SLCO1B3: variants seen among roughly 807,000 people sequenced by gnomAD.
SLCO1B3 encodes solute carrier organic anion transporter family member 1B3.
Under a neutral mutation model 71.8 loss-of-function variants are expected in SLCO1B3, and 72 were observed. The ratio of observed to expected loss-of-function variants is 1.00; its 90% confidence interval spans 0.83 to 1.22. The LOEUF (loss-of-function observed/expected upper bound fraction) is 1.22. Ranked by LOEUF, SLCO1B3 falls within the 50% of genes most tolerant of loss-of-function variation. The probability of loss-of-function intolerance (pLI) is 0.00; values close to 1 mark genes in which losing one functional copy is unlikely to be tolerated. For synonymous variants in SLCO1B3, 298 were observed against 278.4 expected (o/e 1.07, Z -0.70); for missense variants, 911 against 819.7 (o/e 1.11, Z -1.36).
chr12:20,880,771 T>C (rs1262466077), intron 11 of SLCO1B3, 84 bp from the exon 12 acceptor site: 3 of 844,568 alleles, frequency 3.6e-6, no homozygotes, highest in African/African-American at 3.5e-5. Context: ...ATTTCCCCTC[T>C]CCTTATCCCC....
chr12:20,891,780 T>C (rs2121341233), intron 13 of SLCO1B3, among the ~76,000 whole-genome samples: 1 of 152,244 alleles, frequency 6.6e-6, no homozygotes, highest in South Asian at 2.1e-4. Context: ...GTCTTCTAGC[T>C]CTGAAATTGT....
chr12:20,855,374 T>A (rs1200191684), intron 4 of SLCO1B3, among the ~76,000 whole-genome samples: 2 of 152,166 alleles, frequency 1.3e-5, no homozygotes, highest in Non-Finnish European at 2.9e-5. Context: ...AGGTCAGGTA[T>A]GCTGCTAAAC....
intron 3 of SLCO1B3, among the ~76,000 whole-genome samples, chr12:20,836,301 G>T (rs1864679128): frequency 6.6e-6 from 1 of 152,096 alleles, no homozygotes; most frequent in Non-Finnish European, 1.5e-5. Flanking sequence ...TACATGAATT[G>T]ATTTTCATAC....
chr12:20,891,820 A>G (rs1865909714), intron 13 of SLCO1B3, among the ~76,000 whole-genome samples: 1 of 152,058 alleles, frequency 6.6e-6, no homozygotes, highest in South Asian at 2.1e-4. Flanking sequence ...TTATTGTTAA[A>G]GCTTTCAGAA....
intron 6 of SLCO1B3, 128 bp downstream of exon 6, chr12:20,861,266 C>A: frequency 1.3e-6 from 1 of 786,708 alleles, no homozygotes; most frequent in Non-Finnish European, 1.9e-6. Context: ...CCCTTACATA[C>A]AGACAAAATC....
intron 3 of SLCO1B3, among the ~76,000 whole-genome samples, chr12:20,825,942 A>AG (rs1450009125): frequency 6.6e-5 from 10 of 152,252 alleles, no homozygotes; most frequent in African/African-American, 2.2e-4. Context: ...TAAGCAAATA[A>AG]AAACTTAATA....
At chr12:20,863,522 A>G (rs897864434) in intron 8 of SLCO1B3, among the ~76,000 whole-genome samples, 2 of 152,106 alleles carry the variant, frequency 1.3e-5, no homozygotes, top group Non-Finnish European at 2.9e-5. Flanking sequence ...CACCATATCC[A>G]TATTTATCTT....
At chr12:20,863,719 G>A (rs1156580838) in intron 8 of SLCO1B3, among the ~76,000 whole-genome samples, 2 of 151,920 alleles carry the variant, frequency 1.3e-5, no homozygotes, top group South Asian at 4.1e-4. Context: ...CTTTCCAATT[G>A]ATTAACTGTT....
intron 3 of SLCO1B3, among the ~76,000 whole-genome samples, chr12:20,827,222 A>G (rs1864441215): frequency 6.6e-6 from 1 of 152,188 alleles, no homozygotes; most frequent in African/African-American, 2.4e-5. Context: ...ATAAATATTA[A>G]ACTGCTTGAT....
In SLCO1B3 at chr12:20,879,588, T is replaced by C. The variant is rs1304777961; in HGVS notation, c.1288T>C (p.Cys430Arg). The change falls in exon 11 of 16, where the codon TGC becomes CGC. Residue 430 changes from cysteine to arginine, a missense_variant. By Grantham distance (180) the Cys-to-Arg change is radical. Transcript: ENST00000381545. ...TCAACTTCTATATTTCCCTCTAATC[T>C]GCGAAAGCAAATCAGTTGCCGGCCT... The part of the protein sequence containing the change: ...LFQLLYFPLI[C>R]ESKSVAGLTL... The C allele has an allele frequency of 6.2e-7, 1 of 1,612,654 alleles. No homozygotes were observed. Among genetic ancestry groups the C allele is most frequent in the South Asian group, 1.1e-5 (1 of 90,990 alleles).
intron 3 of SLCO1B3, among the ~76,000 whole-genome samples, 161 bp from the exon 4 acceptor site, chr12:20,854,867 T>C (rs1865100702): frequency 6.6e-6 from 1 of 152,240 alleles, no homozygotes; most frequent in Non-Finnish European, 1.5e-5. Flanking sequence ...GATGATAGTA[T>C]TATAGGGCTG....
At chr12:20,912,696 G>A (rs1445444025) in intron 15 of SLCO1B3, among the ~76,000 whole-genome samples, 1 of 151,042 alleles carries the variant, frequency 6.6e-6, no homozygotes, top group Non-Finnish European at 1.5e-5. Context: ...GCTAATTTTT[G>A]TATTTTTAGT....
chr12:20,895,213 C>T (rs1434304138), intron 13 of SLCO1B3, among the ~76,000 whole-genome samples: 1 of 152,126 alleles, frequency 6.6e-6, no homozygotes. Context: ...ATCTCATGTC[C>T]TCACATTTCA....
intron 5 of SLCO1B3, 33 bp from the exon 6 acceptor site, chr12:20,860,984 A>G (rs1865250732): frequency 6.5e-7 from 1 of 1,536,766 alleles, no homozygotes; most frequent in Admixed American, 2.1e-5. Flanking sequence ...TCAGTAGATA[A>G]GCAAAATGTT....
At chr12:20,819,673 G>A (rs1450027534) in intron 3 of SLCO1B3, among the ~76,000 whole-genome samples, 3 of 152,142 alleles carry the variant, frequency 2.0e-5, no homozygotes, top group Non-Finnish European at 4.4e-5. Flanking sequence ...TGTAAGGAGA[G>A]TTTATAGGCT....
chr12:20,836,144 A>G (rs1864675631), intron 3 of SLCO1B3, among the ~76,000 whole-genome samples: 1 of 152,172 alleles, frequency 6.6e-6, no homozygotes, highest in Non-Finnish European at 1.5e-5. Context: ...ACCCATCCCC[A>G]TGATAAAGTT....
At chr12:20,849,591 TAGAA>T (rs1864981580) in intron 3 of SLCO1B3, among the ~76,000 whole-genome samples, 2 of 151,938 alleles carry the variant, frequency 1.3e-5, no homozygotes, top group Admixed American at 1.3e-4. Flanking sequence ...GCATTCAAAT[TAGAA>T]AGAAGGAAAA....
intron 15 of SLCO1B3, among the ~76,000 whole-genome samples, chr12:20,911,736 C>T (rs928163932): frequency 6.6e-6 from 1 of 152,144 alleles, no homozygotes; most frequent in Non-Finnish European, 1.5e-5. Flanking sequence ...TTGTTTATGG[C>T]ATTCCCTTTT....
chr12:20,814,207 C>G (rs996748132), intron 2 of SLCO1B3, among the ~76,000 whole-genome samples: 1 of 152,006 alleles, frequency 6.6e-6, no homozygotes, highest in East Asian at 1.9e-4. Flanking sequence ...TTCCACTGTT[C>G]TATATAAAAG....
Sources: allele counts gnomAD v4.1 joint callset (sites outside exome capture counted in the v4.1 genomes callset), GRCh38; gene constraint gnomAD v4.1.1; transcripts MANE v1.5; gene names NCBI Gene and HGNC (gene_info 2026-07-23, HGNC 2026-07-21).